NPNT: variants seen among roughly 807,000 people sequenced by gnomAD.
NPNT encodes the protein preosteoblast EGF-like repeat protein with MAM domain.
A neutral mutation model predicts 68.6 loss-of-function variants in NPNT; 45 were observed. The ratio of observed to expected loss-of-function variants is 0.66; its 90% CI spans 0.52 to 0.84. NPNT has a LOEUF of 0.84. NPNT is among the 40% of genes least tolerant of loss of function. NPNT has a pLI of 0.00. For synonymous variants in NPNT, 233 were observed against 253.3 expected (o/e 0.92, Z 0.76); for missense variants, 672 against 714.8 (o/e 0.94, Z 0.68).
At chr4:105,925,370 G>A (rs1728605296) in intron 2 of NPNT, among the ~76,000 whole-genome samples, 1 of 151,982 alleles carries the variant, frequency 6.6e-6, no homozygotes, top group African/African-American at 2.4e-5. Flanking sequence ...TGGTGGTACA[G>A]GGTCCAGTTG....
chr4:105,956,880 G>A (rs1300331011), intron 8 of NPNT, among the ~76,000 whole-genome samples: 1 of 152,000 alleles, frequency 6.6e-6, no homozygotes, highest in Non-Finnish European at 1.5e-5. Flanking sequence ...TTATAAGAGG[G>A]GAAGGGACTT....
At chr4:105,898,700 A>T (rs949174039) in intron 2 of NPNT, among the ~76,000 whole-genome samples, 1 of 152,178 alleles carries the variant, frequency 6.6e-6, no homozygotes, top group African/African-American at 2.4e-5. Flanking sequence ...GCTGATTTTC[A>T]CCTTTTCTGT....
Position 105,942,608 on chromosome 4 carries a change from A to T in NPNT, c.1065A>T (p.Thr355=). 1.2e-6 allele frequency: 2 copies of T among 1,614,050 alleles called. No homozygotes were observed. The highest frequency in any genetic ancestry group is 1.7e-6 in the Non-Finnish European group (2 of 1,179,990). Residue 355 remains threonine (T), a synonymous_variant, in exon 8 of 12, where the codon ACA becomes ACT. Coordinates refer to ENST00000379987, the MANE Select transcript of NPNT (RefSeq NM_001033047.3). ...TTPERPTTGL[T]TIAPAASTPP... ...CAGAAAGGCCAACCACCGGACTGAC[A>T]ACTATAGCACCAGCTGCCAGTACAC...
chr4:105,913,028 C>T (rs1046157067), intron 2 of NPNT, among the ~76,000 whole-genome samples: 3 of 152,136 alleles, frequency 2.0e-5, no homozygotes, highest in East Asian at 1.9e-4. Context: ...CCACAATGCC[C>T]GGCTAATTTT....
chr4:105,931,668 CAA>C (rs59960189), intron 3 of NPNT, among the ~76,000 whole-genome samples: 3,226 of 99,972 alleles, frequency 0.032, 104 homozygotes, highest in African/African-American at 0.087. Flanking sequence ...ACTAAAAATA[CAA>C]AAAAAAAAAA....
chr4:105,903,665 C>G (rs1328010193), intron 2 of NPNT, among the ~76,000 whole-genome samples: 2 of 151,988 alleles, frequency 1.3e-5, no homozygotes, highest in African/African-American at 2.4e-5. Flanking sequence ...TGCAATAGAT[C>G]TCTCCCCTAT....
chr4:105,936,502 A>G (rs1197126835), intron 3 of NPNT, among the ~76,000 whole-genome samples: 1 of 152,228 alleles, frequency 6.6e-6, no homozygotes, highest in African/African-American at 2.4e-5. Flanking sequence ...CCTGTAAAGT[A>G]AAATATTCTC....
Position 105,970,460 on chromosome 4 carries a change from T to A in NPNT, c.*1470T>A, listed in dbSNP as rs1254696959. On this transcript the variant is annotated 3_prime_UTR_variant, in exon 12 of 12. Transcript: ENST00000379987. ...TTAAAGGAACTGGGATTATTGAGCC[T>A]GGAGAAGAGAAGACTGAGGGGCAAA... is the stretch of plus-strand genomic sequence containing the variant. 4 of 699,156 alleles carry A rather than the reference T, an allele frequency of 5.7e-6. No individual in the cohort carries two copies. In the South Asian group the frequency reaches 5.9e-5, roughly 10 times the overall value. 43.3% of individuals were successfully genotyped at this position (699,156 alleles called of 1,614,324 possible).
At chr4:105,923,315 GT>G (rs11431753) in intron 2 of NPNT, among the ~76,000 whole-genome samples, 137 of 149,280 alleles carry the variant, frequency 9.2e-4, no homozygotes, top group African/African-American at 2.4e-3. Context: ...TAGAAATAAA[GT>G]TTTTTTTTTA....
At chr4:105,940,470 T>A in intron 6 of NPNT, 44 bp from the exon 7 acceptor site, 1 of 1,571,004 alleles carries the variant, frequency 6.4e-7, no homozygotes, top group Non-Finnish European at 8.7e-7. Context: ...GTCATCATAT[T>A]TATCTCCTAA....
chr4:105,910,588 T>C (rs1339813172), intron 2 of NPNT, among the ~76,000 whole-genome samples: 1 of 152,196 alleles, frequency 6.6e-6, no homozygotes, highest in Non-Finnish European at 1.5e-5. Context: ...AATTTCCTTA[T>C]CCTTCAATAG....
At position 105,942,409 on chromosome 4, in the gene NPNT, A is replaced by T. The variant is rs756669991; in HGVS notation, c.866A>T (p.Asp289Val). ...ACAGGAAATAATAATTGGATTCCTG[A>T]TGTTGGAAGTACTTGGTGGCCTCCG... ...GDTGNNNWIP[D>V]VGSTWWPPKT... Residue 289 changes from aspartate to valine, a missense_variant, in exon 8 of 12, where the codon GAT becomes GTT. By Grantham distance (152) the Asp-to-Val change is radical (BLOSUM62 -3). Transcript: ENST00000379987. 7.4e-6 allele frequency: 12 copies of T among 1,613,684 alleles called. No individual in the cohort carries two copies. The highest frequency in any genetic ancestry group is 1.7e-5 in the Admixed American group (1 of 59,924).
At chr4:105,968,621 T>C (rs1732355633) in intron 11 of NPNT, among the ~76,000 whole-genome samples, 2 of 152,240 alleles carry the variant, frequency 1.3e-5, no homozygotes, top group African/African-American at 4.8e-5. Flanking sequence ...GTGTGCACTT[T>C]ATAAACAATC....
At chr4:105,937,572 A>G (rs1288678702) in intron 4 of NPNT, among the ~76,000 whole-genome samples, 1 of 151,804 alleles carries the variant, frequency 6.6e-6, no homozygotes, top group Non-Finnish European at 1.5e-5. Context: ...ATATTTCATT[A>G]TAAAAGCCTT....
chr4:105,944,525 A>T (rs556967479), intron 8 of NPNT, among the ~76,000 whole-genome samples: 2 of 152,208 alleles, frequency 1.3e-5, no homozygotes, highest in African/African-American at 4.8e-5. Flanking sequence ...CTCTATGCCA[A>T]TACATATATG....
intron 3 of NPNT, among the ~76,000 whole-genome samples, chr4:105,929,841 A>C (rs751262982): frequency 6.6e-6 from 1 of 152,086 alleles, no homozygotes; most frequent in Non-Finnish European, 1.5e-5. Context: ...TTATTGAAAC[A>C]AAAGTTCATC....
At chr4:105,939,142 C>A (rs1180009284) in intron 5 of NPNT, among the ~76,000 whole-genome samples, 1 of 152,122 alleles carries the variant, frequency 6.6e-6, no homozygotes, top group Non-Finnish European at 1.5e-5. Flanking sequence ...GATTTTGATC[C>A]CCACAAAGCT....
At chr4:105,938,962 A>G (rs1161395262) in intron 5 of NPNT, among the ~76,000 whole-genome samples, 2 of 152,208 alleles carry the variant, frequency 1.3e-5, no homozygotes, top group Admixed American at 1.3e-4. Flanking sequence ...TAGAACTGGT[A>G]GGAAGATTGA....
At chr4:105,900,258 A>G (rs1726291544) in intron 2 of NPNT, among the ~76,000 whole-genome samples, 1 of 152,196 alleles carries the variant, frequency 6.6e-6, no homozygotes, top group Non-Finnish European at 1.5e-5. Context: ...CCTTCAAAAC[A>G]GCATAGCAAA....
Sources: allele counts gnomAD v4.1 joint callset (sites outside exome capture counted in the v4.1 genomes callset), GRCh38; gene constraint gnomAD v4.1.1; transcripts MANE v1.5; gene names NCBI Gene and HGNC (gene_info 2026-07-23, HGNC 2026-07-21).